Variants in TAFA1 observed in about 807,000 individuals in gnomAD.
The protein encoded by TAFA1 is chemokine-like protein TAFA-1.
Under a neutral mutation model 18.5 loss-of-function variants are expected in TAFA1, and 4 were observed. The ratio of observed to expected loss-of-function variants is 0.22; its 90% CI spans 0.11 to 0.49. The LOEUF is 0.49. TAFA1 is among the 20% of genes least tolerant of loss of function. The probability of loss-of-function intolerance (pLI) is 0.98; values close to 1 mark genes in which losing one functional copy is unlikely to be tolerated. For missense variants in TAFA1, 147 were observed against 169.0 expected (o/e 0.87, Z 0.72); for synonymous variants, 56 against 55.2 (o/e 1.01, Z -0.06).
chr3:68,257,063 A>C (rs571710925), intron 2 of TAFA1, among the ~76,000 whole-genome samples: 73 of 152,126 alleles, frequency 4.8e-4, no homozygotes, highest in South Asian at 8.3e-4. Flanking sequence ...CTCACTCGTA[A>C]CGCTCTGCTT....
chr3:68,130,915 T>C (rs1575634599), intron 2 of TAFA1, among the ~76,000 whole-genome samples: 1 of 152,130 alleles, frequency 6.6e-6, no homozygotes, highest in East Asian at 1.9e-4. Context: ...CATTGCACTG[T>C]CTCTTTCCTT....
chr3:68,195,560 C>T lies in TAFA1; in HGVS notation c.118+188816C>T, dbSNP rs142101486. On this transcript the variant is annotated intron_variant, in intron 2 of 4. Transcript: ENST00000478136. ...CAGAGGCATTTTTGGCTGTCACAACCTGTTTTGCTCCTTGGCATCTGGTGG... is the reference window on the plus strand; with the variant it reads ...CAGAGGCATTTTTGGCTGTCACAACTTGTTTTGCTCCTTGGCATCTGGTGG... Among the ~76,000 whole-genome samples the T allele has an allele frequency of 1.4e-3, 216 of 151,314 alleles. 1 individual carries two copies. Among genetic ancestry groups the T allele is most frequent in the East Asian group, 2.8e-3 (14 of 5,080 alleles).
intron 2 of TAFA1, among the ~76,000 whole-genome samples, chr3:68,143,720 A>G (rs925106375): frequency 2.6e-4 from 39 of 152,168 alleles, no homozygotes; most frequent in African/African-American, 9.2e-4. Context: ...CCAAACCAAG[A>G]GTAACAGTAG....
chr3:68,236,887 C>A (rs1559570401), intron 2 of TAFA1, among the ~76,000 whole-genome samples: 1 of 152,110 alleles, frequency 6.6e-6, no homozygotes, highest in Admixed American at 6.5e-5. Context: ...TTATTGACAG[C>A]ACATCAATAA....
intron 3 of TAFA1, among the ~76,000 whole-genome samples, chr3:68,511,354 T>C (rs979941049): frequency 3.9e-5 from 6 of 152,140 alleles, no homozygotes; most frequent in Non-Finnish European, 5.9e-5. Context: ...TTAACTTAAT[T>C]ATTTTCTTAG....
intron 2 of TAFA1, among the ~76,000 whole-genome samples, chr3:68,387,839 A>G (rs2070137847): frequency 6.6e-6 from 1 of 152,124 alleles, no homozygotes; most frequent in South Asian, 2.1e-4. Context: ...ACAGCCTTGG[A>G]AGGTTATTTA....
At chr3:68,132,754 TC>T (rs1328801206) in intron 2 of TAFA1, among the ~76,000 whole-genome samples, 1 of 152,232 alleles carries the variant, frequency 6.6e-6, no homozygotes, top group African/African-American at 2.4e-5. Context: ...TTGTTTAAGT[TC>T]TTTGTAGATT....
intron 2 of TAFA1, among the ~76,000 whole-genome samples, chr3:68,034,492 C>T (rs2106660614): frequency 6.6e-6 from 1 of 152,238 alleles, no homozygotes; most frequent in Non-Finnish European, 1.5e-5. Context: ...AGGATTTGAG[C>T]CCAAGCAGTC....
At chr3:68,265,238 C>T (rs1209820335) in intron 2 of TAFA1, among the ~76,000 whole-genome samples, 1 of 152,158 alleles carries the variant, frequency 6.6e-6, no homozygotes, top group African/African-American at 2.4e-5. Flanking sequence ...TTTCCCTCAG[C>T]CATTAACAGG....
chr3:68,438,882 A>C (rs2071313438), intron 3 of TAFA1, among the ~76,000 whole-genome samples: 1 of 152,068 alleles, frequency 6.6e-6, no homozygotes, highest in South Asian at 2.1e-4. Flanking sequence ...ACATTGCTGT[A>C]CCAGGGTTCT....
chr3:68,369,266 C>A (rs942395192), intron 2 of TAFA1, among the ~76,000 whole-genome samples: 2 of 152,124 alleles, frequency 1.3e-5, no homozygotes, highest in Non-Finnish European at 2.9e-5. Flanking sequence ...ACAAAGGCCA[C>A]CAACCATTGT....
intron 2 of TAFA1, among the ~76,000 whole-genome samples, chr3:68,347,772 T>G (rs868047184): frequency 2.6e-5 from 4 of 152,218 alleles, no homozygotes; most frequent in Admixed American, 6.5e-5. Context: ...TATCATATAT[T>G]CTAGCAACAG....
chr3:68,544,603 C>A lies in TAFA1; in HGVS notation c.*100C>A. 1 of 1,233,162 alleles carries A rather than the reference C, an allele frequency of 8.1e-7. No homozygotes were observed. Among genetic ancestry groups the A allele is most frequent in the Non-Finnish European group, 1.2e-6 (1 of 849,752 alleles). 76.4% of individuals were successfully genotyped at this position (1,233,162 alleles called of 1,614,324 possible). ...ATATACAAGCCAAATGGATTTCTTA[C>A]TTGCACTTTGACTGGCTACCAGATA... On this transcript the variant is annotated 3_prime_UTR_variant, in exon 5 of 5. Transcript: ENST00000478136.
chr3:68,391,962 A>C (rs1056380157), intron 2 of TAFA1, among the ~76,000 whole-genome samples: 1 of 152,182 alleles, frequency 6.6e-6, no homozygotes, highest in African/African-American at 2.4e-5. Flanking sequence ...TAATGGGCAA[A>C]ATAACCAGCT....
At chr3:68,201,108 A>T (rs992055308) in intron 2 of TAFA1, among the ~76,000 whole-genome samples, 3 of 151,524 alleles carry the variant, frequency 2.0e-5, no homozygotes, top group Non-Finnish European at 4.4e-5. Context: ...AATATTTTAA[A>T]ATTTATCTTG....
chr3:68,353,952 C>A (rs1333652931), intron 2 of TAFA1, among the ~76,000 whole-genome samples: 1 of 151,982 alleles, frequency 6.6e-6, no homozygotes, highest in Non-Finnish European at 1.5e-5. Context: ...TGTTTTTGAT[C>A]TCTGGGCCTC....
In TAFA1 at chr3:68,358,672, G is replaced by T. The variant is rs565414153; in HGVS notation, c.119-58608G>T. On this transcript the variant is annotated intron_variant, in intron 2 of 4. Transcript: ENST00000478136. ...TTCCCCATCCCTGCAGCTGCTCACA[G>T]CCCTCAGATGGAGTTTTTGCTGGTG... Among the ~76,000 whole-genome samples, 173 of 151,862 alleles carry T rather than the reference G, an allele frequency of 1.1e-3. 1 individual carries two copies. Among genetic ancestry groups the T allele is most frequent in the Non-Finnish European group, 1.9e-3 (127 of 67,918 alleles).
At chr3:68,420,396 T>G (rs2070931373) in intron 3 of TAFA1, among the ~76,000 whole-genome samples, 6 of 152,102 alleles carry the variant, frequency 3.9e-5, no homozygotes, top group Admixed American at 3.9e-4. Flanking sequence ...TTTCTTTTAT[T>G]TTCCGTAAAG....
At chr3:68,127,637 G>A (rs2065481038) in intron 2 of TAFA1, among the ~76,000 whole-genome samples, 2 of 144 alleles carry the variant, frequency 0.014, no homozygotes, top group South Asian at 0.12. Context: ...TCGTGGTGGT[G>A]ATGCTGATGA....
Sources: allele counts gnomAD v4.1 joint callset (sites outside exome capture counted in the v4.1 genomes callset), GRCh38; gene constraint gnomAD v4.1.1; transcripts MANE v1.5; gene names NCBI Gene and HGNC (gene_info 2026-07-23, HGNC 2026-07-21).